Variants in TMCC2 observed in about 807,000 individuals in gnomAD.
TMCC2 encodes the protein transmembrane and coiled-coil domain family 2.
In TMCC2, 16 loss-of-function variants were observed where a neutral mutation model predicts 49.4. That is an observed-to-expected ratio of 0.32 (90% CI 0.22 to 0.49). The LOEUF (loss-of-function observed/expected upper bound fraction) is 0.49. TMCC2 is among the 20% of genes least tolerant of loss of function. The pLI is 0.99. For missense variants in TMCC2, 762 were observed against 989.8 expected, an observed-to-expected ratio of 0.77 and a Z score of 3.09; for synonymous variants, 397 against 434.1, an observed-to-expected ratio of 0.91 and a Z score of 1.06.
At chr1:205,234,277 C>G (rs1659934688) in intron 1 of TMCC2, 1 of 152,152 alleles carries the variant, frequency 6.6e-6, no homozygotes, top group Non-Finnish European at 1.5e-5. Flanking sequence ...AACCCCATCT[C>G]TACCAAAAAT....
chr1:205,239,346 G>C (rs981046997), intron 1 of TMCC2, among the ~76,000 whole-genome samples: 1 of 152,104 alleles, frequency 6.6e-6, no homozygotes, highest in African/African-American at 2.4e-5. Context: ...GCAGGTCCCT[G>C]GTCTGAAGGC....
At position 205,264,923 on chromosome 1, in the gene TMCC2, G is replaced by A. The variant is rs1424103981; in HGVS notation, c.748-4027G>A. Among the ~76,000 whole-genome samples the A allele has an allele frequency of 6.6e-6, 1 of 152,172 alleles. No individual in the cohort carries two copies. The highest frequency in any genetic ancestry group is 1.5e-5 in the Non-Finnish European group (1 of 68,030). ...CCTTTGTCCAAAACATTTAGAATTT[G>A]AGAAAAAGAGAAGAGCCCAGAGGCC... On this transcript the variant is annotated intron_variant, in intron 2 of 4. Transcript: ENST00000358024. This position sits in a 1 kb window ranked among gnomAD's most constrained non-coding sequence, Gnocchi z 4.2.
At chr1:205,266,225 A>G (rs1661322003) in intron 2 of TMCC2, among the ~76,000 whole-genome samples, 1 of 139,942 alleles carries the variant, frequency 7.1e-6, no homozygotes, top group Non-Finnish European at 1.5e-5. Context: ...TGGGCGACAG[A>G]GCGAGACTCT....
At chr1:205,248,527 A>T (rs1013649911) in intron 2 of TMCC2, among the ~76,000 whole-genome samples, 9 of 152,196 alleles carry the variant, frequency 5.9e-5, no homozygotes, top group Non-Finnish European at 1.3e-4. Flanking sequence ...GTTGTCATCA[A>T]TTGTGGGTGC....
chr1:205,269,239 C>T lies in TMCC2; in HGVS notation c.1037C>T (p.Thr346Ile). ...FEKKNQKSAQ[T>I]IAQLHKKLEH... ...AAGAAGAACCAGAAGTCAGCCCAGA[C>T]CATCGCCCAGCTGCACAAGAAGCTG... The change falls in exon 3 of 5, where the codon ACC (threonine) becomes ATC (isoleucine). Residue 346 changes from threonine (T) to isoleucine (I), a missense_variant. This residue lies in a region of TMCC2 where 440 missense variants were observed against 636.7 expected (regional missense o/e 0.69). Coordinates refer to ENST00000358024, the MANE Select transcript of TMCC2 (RefSeq NM_014858.4). The T allele has an allele frequency of 5.0e-6, 8 of 1,613,974 alleles. No individual in the cohort carries two copies. Among genetic ancestry groups the T allele is most frequent in the Non-Finnish European group, 6.8e-6 (8 of 1,180,038 alleles).
In TMCC2 at chr1:205,231,889, C is replaced by T. The variant is rs551554751; in HGVS notation, c.207+3118C>T. The stretch of plus-strand genomic sequence containing the variant: ...TCTGTTTTCTCATGACAGCTCCAGG[C>T]ACTGTGATGAATTAAGTGCATTGGA... On this transcript the variant is annotated intron_variant, in intron 1 of 4. Coordinates refer to ENST00000358024, the MANE Select transcript of TMCC2 (RefSeq NM_014858.4). Among the ~76,000 whole-genome samples, 49 of 152,220 alleles carry T rather than the reference C, an allele frequency of 3.2e-4. 1 individual carries two copies. The highest frequency in any genetic ancestry group is 1.0e-3 in the African/African-American group (43 of 41,532).
intron 1 of TMCC2, among the ~76,000 whole-genome samples, chr1:205,235,191 C>A (rs112351855): frequency 9.3e-4 from 142 of 152,248 alleles, no homozygotes; most frequent in Non-Finnish European, 1.5e-3. Context: ...GCCTCCCCCC[C>A]ACCCCCTCCA....
chr1:205,269,196 A>T lies in TMCC2; in HGVS notation c.994A>T (p.Ile332Phe), dbSNP rs1432444465. 2 of 1,614,046 alleles carry T rather than the reference A, an allele frequency of 1.2e-6. No individual in the cohort carries two copies. Among genetic ancestry groups the T allele is most frequent in the Non-Finnish European group, 1.7e-6 (2 of 1,180,054 alleles). ...CGCGGACAAGCAGCAGGTGTCACGC[A>T]TCAAGCAAGTGTTCGAGAAGAAGAA... ...NNADKQQVSRIKQVFEKKNQK... is the reference protein window; with the variant it reads ...NNADKQQVSRFKQVFEKKNQK... The change falls in exon 3 of 5, where the codon ATC becomes TTC. Residue 332 changes from isoleucine to phenylalanine, a missense_variant. Coordinates refer to ENST00000358024, the MANE Select transcript of TMCC2 (RefSeq NM_014858.4).
At chr1:205,262,243 A>C (rs1661147341) in intron 2 of TMCC2, among the ~76,000 whole-genome samples, 1 of 152,190 alleles carries the variant, frequency 6.6e-6, no homozygotes, top group African/African-American at 2.4e-5. Context: ...ACCCAACAGC[A>C]GATCCCAGGC....
chr1:205,253,441 G>A (rs575315762), intron 2 of TMCC2, among the ~76,000 whole-genome samples: 54 of 152,200 alleles, frequency 3.5e-4, no homozygotes, highest in Admixed American at 2.6e-4. Context: ...TGTCACCCCC[G>A]CCTCAGGCTT....
In TMCC2 at chr1:205,265,006, G is replaced by C. The variant is rs111834199; in HGVS notation, c.748-3944G>C. ...GTGGAACTGAGTCCTCCACAGGGAA[G>C]AGAATAAAATGGGGATATGTTCTGT... On this transcript the variant is annotated intron_variant, in intron 2 of 4. Transcript: ENST00000358024. Among the ~76,000 whole-genome samples the C allele has an allele frequency of 3.9e-3, 599 of 152,330 alleles. 4 individuals are homozygous for C. Among genetic ancestry groups the C allele is most frequent in the African/African-American group, 0.012 (479 of 41,572 alleles).
At chr1:205,262,071 C>T (rs1661138580) in intron 2 of TMCC2, among the ~76,000 whole-genome samples, 1 of 152,200 alleles carries the variant, frequency 6.6e-6, no homozygotes, top group Non-Finnish European at 1.5e-5. Flanking sequence ...CTCCTTGGCT[C>T]TGTTTACCTT....
chr1:205,231,444 A>T (rs897482456), intron 1 of TMCC2, among the ~76,000 whole-genome samples: 3 of 152,200 alleles, frequency 2.0e-5, no homozygotes, highest in South Asian at 4.1e-4. Flanking sequence ...CTACAGGCAC[A>T]CGCCACCATG....
Position 205,238,579 on chromosome 1 carries a change from G to T in TMCC2, c.208-2926G>T, listed in dbSNP as rs75381256. Among the ~76,000 whole-genome samples the T allele has an allele frequency of 5.5e-3, 842 of 152,214 alleles. 11 individuals are homozygous for T. Among genetic ancestry groups the T allele is most frequent in the African/African-American group, 0.02 (811 of 41,496 alleles). On this transcript the variant is annotated intron_variant, in intron 1 of 4. Coordinates refer to ENST00000358024, the MANE Select transcript of TMCC2 (RefSeq NM_014858.4). ...GGAAGTAAAGACTTTATAGTTGAGG[G>T]TCTTGTCCCATAACATGGGATGGGC...
intron 1 of TMCC2, among the ~76,000 whole-genome samples, chr1:205,230,997 T>TCCCCCCC (rs57350842): frequency 2.1e-4 from 9 of 42,274 alleles, no homozygotes; most frequent in Admixed American, 3.0e-4. Context: ...CATCCCCCCA[T>TCCCCCCC]CCCCCCCCCC....
At position 205,234,762 on chromosome 1, in the gene TMCC2, C is replaced by T. The variant is rs111952004; in HGVS notation, c.207+5991C>T. 9.9e-3 allele frequency among the ~76,000 whole-genome samples: 1,506 copies of T among 151,906 alleles called. 28 individuals are homozygous for T. Among genetic ancestry groups the T allele is most frequent in the African/African-American group, 0.035 (1,439 of 41,398 alleles). ...GCAGCTTCTGCCTCCCGGGTTCAAG[C>T]GGTTCTCCTGTCTCAACCTCCCGAG... On this transcript the variant is annotated intron_variant, in intron 1 of 4. Coordinates refer to ENST00000358024, the MANE Select transcript of TMCC2 (RefSeq NM_014858.4).
intron 2 of TMCC2, among the ~76,000 whole-genome samples, chr1:205,252,918 C>T (rs888046287): frequency 4.0e-5 from 6 of 150,568 alleles, no homozygotes; most frequent in South Asian, 2.1e-4. Context: ...GCCAGAAGTT[C>T]GAGGCCAGCC....
intron 1 of TMCC2, among the ~76,000 whole-genome samples, chr1:205,240,211 G>A (rs561319388): frequency 1.2e-4 from 19 of 152,334 alleles, no homozygotes; most frequent in African/African-American, 4.6e-4. Flanking sequence ...GGCTCAACCT[G>A]GCCGGATAAG....
rs768567465 is a variant in TMCC2 at position 205,271,774 on chromosome 1, A to C, written c.1819-39A>C. 1.9e-6 allele frequency: 3 copies of C among 1,590,158 alleles called. No individual in the cohort carries two copies. The South Asian group carries it at 3.4e-5, about 18-fold the overall frequency. ...GGTTTTCAGCCTAGGGGTCCTGCCC[A>C]TCCTGAGCGCACACATGCCAGCCCC... On this transcript the variant is annotated intron_variant, in intron 4 of 4. Coordinates refer to ENST00000358024, the MANE Select transcript of TMCC2 (RefSeq NM_014858.4).
Sources: allele counts gnomAD v4.1 joint callset (sites outside exome capture counted in the v4.1 genomes callset), GRCh38; gene constraint gnomAD v4.1.1; regional missense constraint gnomAD v4.1.1; non-coding constraint Gnocchi (gnomAD v3.1); transcripts MANE v1.5; gene names NCBI Gene and HGNC (gene_info 2026-07-23, HGNC 2026-07-21).